Variants in KRT23 observed in about 807,000 individuals in gnomAD.
KRT23 encodes the protein keratin, type I cytoskeletal 23.
In KRT23, 38 loss-of-function variants were observed where a neutral mutation model predicts 47.6. That is an observed-to-expected ratio of 0.80 (90% CI 0.62 to 1.05). The LOEUF (loss-of-function observed/expected upper bound fraction) is 1.05. Among genes scored for constraint, KRT23 ranks in the 50% least tolerant of loss-of-function variants. The pLI, the probability that KRT23 is intolerant of heterozygous loss-of-function variation, is 0.00. For synonymous variants in KRT23, 191 were observed against 199.0 expected, an observed-to-expected ratio of 0.96 and a Z score of 0.34; for missense variants, 503 against 529.5, an observed-to-expected ratio of 0.95 and a Z score of 0.49.
At chr17:40,934,814 C>T (rs965364312) in intron 2 of KRT23, among the ~76,000 whole-genome samples, 3 of 152,158 alleles carry the variant, frequency 2.0e-5, no homozygotes, top group African/African-American at 4.8e-5. Context: ...TAATATGGAA[C>T]ATTTCCATCA....
At chr17:40,930,247 A>G in intron 3 of KRT23, 151 bp from the exon 4 acceptor site, 1 of 637,920 alleles carries the variant, frequency 1.6e-6, no homozygotes, top group Non-Finnish European at 2.6e-6. Context: ...TGCCAGTTTC[A>G]TGCTACACTT....
At position 40,922,933 on chromosome 17, in the gene KRT23, A is replaced by T. The variant is rs1156262012; in HGVS notation, c.*56T>A. The T allele has an allele frequency of 2.4e-6, 3 of 1,266,978 alleles. No homozygotes were observed. Among genetic ancestry groups the T allele is most frequent in the Non-Finnish European group, 3.5e-6 (3 of 865,006 alleles). The allele number at this position is 1,266,978 out of a possible 1,614,324, so 78.5% of individuals were successfully genotyped here. On this transcript the variant is annotated 3_prime_UTR_variant, in exon 9 of 9. Transcript: ENST00000209718. ...AGAACTCACTCACTGGTGTCTGTGC[A>T]AGGACTTTCCTTGGGGGAAAATAGA...
In KRT23 at chr17:40,931,345, C is replaced by T. The variant is rs72824086; in HGVS notation, c.479+28G>A. 33 of 1,553,252 alleles carry T rather than the reference C, an allele frequency of 2.1e-5. No homozygotes were observed. The East Asian group carries it at 3.4e-4, about 16-fold the overall frequency. On this transcript the variant is annotated intron_variant, in intron 3 of 8. Transcript: ENST00000209718. Reference sequence around the variant, plus strand: ...TTTGTAAAGCAAACAAACAAAAACCCGAACAACCCTGTGAAGAAGGAACTT... The same window carrying T: ...TTTGTAAAGCAAACAAACAAAAACCTGAACAACCCTGTGAAGAAGGAACTT...
At position 40,922,783 on chromosome 17, in the gene KRT23, C is replaced by T; in HGVS notation, c.*206G>A. ...TGCAGTAGGAAAGTAGAGCTTTACC[C>T]TCATAAACTCGCACTTTGATTAGAA... On this transcript the variant is annotated 3_prime_UTR_variant, in exon 9 of 9. Coordinates refer to ENST00000209718, the MANE Select transcript of KRT23 (RefSeq NM_015515.5). The T allele has an allele frequency of 4.2e-6, 2 of 470,924 alleles. No homozygotes were observed. Among genetic ancestry groups the T allele is most frequent in the Non-Finnish European group, 7.5e-6 (2 of 265,944 alleles). 29.2% of individuals were successfully genotyped at this position (470,924 alleles called of 1,614,324 possible). A position where few individuals can be genotyped will look rare whatever the true frequency, so the allele number is the denominator to read the frequency against.
At position 40,922,894 on chromosome 17, in the gene KRT23, C is replaced by A; in HGVS notation, c.*95G>T. Reference sequence around the variant, plus strand: ...TAAAAGTTTCTGAGTCTGATAATTCCAAGGGTATCTTTTAGAACTCACTCA... The same window carrying A: ...TAAAAGTTTCTGAGTCTGATAATTCAAAGGGTATCTTTTAGAACTCACTCA... On this transcript the variant is annotated 3_prime_UTR_variant, in exon 9 of 9. Coordinates refer to ENST00000209718, the MANE Select transcript of KRT23 (RefSeq NM_015515.5). The A allele has an allele frequency of 4.8e-6, 4 of 836,910 alleles. No homozygotes were observed. Among genetic ancestry groups the A allele is most frequent in the South Asian group, 4.7e-5 (3 of 64,170 alleles). The allele number at this position is 836,910 out of a possible 1,614,324, so 51.8% of individuals were successfully genotyped here.
chr17:40,926,873 T>C (rs1193815870), intron 6 of KRT23, among the ~76,000 whole-genome samples: 1 of 151,882 alleles, frequency 6.6e-6, no homozygotes, highest in Non-Finnish European at 1.5e-5. Context: ...CCTCACCCTG[T>C]CTTCCTCCCT....
intron 2 of KRT23, among the ~76,000 whole-genome samples, chr17:40,935,236 G>A (rs1241664086): frequency 1.3e-5 from 2 of 151,716 alleles, no homozygotes; most frequent in Non-Finnish European, 1.5e-5. Context: ...ATCTTGACTG[G>A]TCCTTCCTAC....
chr17:40,928,628 G>T, intron 4 of KRT23, 21 bp from the exon 5 acceptor site: 1 of 1,605,134 alleles, frequency 6.2e-7, no homozygotes, highest in Non-Finnish European at 8.5e-7. Context: ...ACAGAGAAAG[G>T]AAATGAACCG....
chr17:40,929,483 T>G (rs959382959), intron 4 of KRT23, among the ~76,000 whole-genome samples: 2 of 152,368 alleles, frequency 1.3e-5, no homozygotes, highest in Non-Finnish European at 2.9e-5. Context: ...TGAGGACTTG[T>G]GATGGATGGT....
chr17:40,925,489 TA>T lies in KRT23; in HGVS notation c.1006del (p.Tyr336MetfsTer5). 3 of 1,614,076 alleles carry T rather than the reference TA, an allele frequency of 1.9e-6. No individual in the cohort carries two copies. The highest frequency in any genetic ancestry group is 2.5e-6 in the Non-Finnish European group (3 of 1,179,950). On this transcript the variant is annotated frameshift_variant, in exon 7 of 9. Transcript: ENST00000209718. LOFTEE classifies it high-confidence loss of function. ...GCGTAGCTGCGTCAGTTCCTCCTCA[TA>T]GTGGGAGATGATCTCTTGCATGTCC... The part of the protein sequence containing the change: ...LQDMQEIISH[Y>X]EEELTQLRHE...
chr17:40,931,632 A>G (rs1909697746), intron 2 of KRT23, among the ~76,000 whole-genome samples, 177 bp from the exon 3 acceptor site: 1 of 152,260 alleles, frequency 6.6e-6, no homozygotes, highest in Non-Finnish European at 1.5e-5. Flanking sequence ...AGCACATACT[A>G]GGTGCAAAGC....
At position 40,929,842 on chromosome 17, in the gene KRT23, G is replaced by A. The variant is rs772646946; in HGVS notation, c.636+98C>T. Reference sequence around the variant, plus strand: ...ATTTAGGGTGAAGGACAAGGGGATTGGCATCCAGGTGGTGGTTTCTTCTGT... The same window carrying A: ...ATTTAGGGTGAAGGACAAGGGGATTAGCATCCAGGTGGTGGTTTCTTCTGT... On this transcript the variant is annotated intron_variant, in intron 4 of 8. Coordinates refer to ENST00000209718, the MANE Select transcript of KRT23 (RefSeq NM_015515.5). The A allele has an allele frequency of 4.1e-6, 4 of 978,746 alleles. No individual in the cohort carries two copies. The Admixed American group carries it at 7.1e-5, about 17-fold the overall frequency. 60.6% of individuals were successfully genotyped at this position (978,746 alleles called of 1,614,324 possible).
At position 40,925,421 on chromosome 17, in the gene KRT23, C is replaced by G; in HGVS notation, c.1075G>C (p.Gly359Arg). The change falls in exon 7 of 9, where the codon GGC becomes CGC. Residue 359 changes from glycine to arginine, a missense_variant. Physicochemically the swap from Gly to Arg is moderately radical, Grantham distance 125. Transcript: ENST00000209718. ...TCCTTCTCCAGGTGGGTTTTGATGCCCAGCAGCACTTGGTATTCATTGTTC... is the reference window on the plus strand; with the variant it reads ...TCCTTCTCCAGGTGGGTTTTGATGCGCAGCAGCACTTGGTATTCATTGTTC... ...RQNNEYQVLL[G>R]IKTHLEKEIT... is the part of the protein sequence containing the mutation. 1 of 1,614,046 alleles carries G rather than the reference C, an allele frequency of 6.2e-7. No individual in the cohort carries two copies. Among genetic ancestry groups the G allele is most frequent in the Non-Finnish European group, 8.5e-7 (1 of 1,180,024 alleles).
chr17:40,925,662 C>A, intron 6 of KRT23, 88 bp from the exon 7 acceptor site: 1 of 995,366 alleles, frequency 1.0e-6, no homozygotes. Context: ...CAGATGTCGA[C>A]CAGTTGGCTA....
chr17:40,929,801 T>C, intron 4 of KRT23, 139 bp downstream of exon 4: 1 of 639,340 alleles, frequency 1.6e-6, no homozygotes. Flanking sequence ...GATATTTGTA[T>C]GTTTTTCTAA....
intron 2 of KRT23, among the ~76,000 whole-genome samples, chr17:40,934,719 G>A (rs1274067463): frequency 3.3e-5 from 5 of 152,318 alleles, no homozygotes; most frequent in African/African-American, 7.2e-5. Flanking sequence ...TCCCACCTCT[G>A]CTTCTTGCTG....
intron 7 of KRT23, 147 bp from the exon 8 acceptor site, chr17:40,924,650 T>C (rs1334284740): frequency 3.0e-6 from 2 of 670,292 alleles, no homozygotes; most frequent in South Asian, 2.0e-5. Flanking sequence ...CTCAAGGTCA[T>C]GGGTTCACGG....
chr17:40,926,595 C>T (rs1909237517), intron 6 of KRT23, among the ~76,000 whole-genome samples: 1 of 152,224 alleles, frequency 6.6e-6, no homozygotes, highest in African/African-American at 2.4e-5. Context: ...GTCTGTGCTC[C>T]AGTCATCTCG....
chr17:40,926,903 C>T (rs1275801257), intron 6 of KRT23, among the ~76,000 whole-genome samples: 1 of 152,002 alleles, frequency 6.6e-6, no homozygotes, highest in Non-Finnish European at 1.5e-5. Flanking sequence ...CCTTCCCCTC[C>T]TCTTCTCTCC....
Sources: gnomAD v4.1 joint callset for allele counts (sites outside exome capture counted in the v4.1 genomes callset) on GRCh38, gnomAD v4.1.1 for gene constraint, MANE v1.5 for transcripts, NCBI Gene and HGNC (gene_info 2026-07-23, HGNC 2026-07-21) for gene names.